The following MAGED1 variants were observed in gnomAD, a reference collection of about 807,000 sequenced individuals.
MAGED1 encodes melanoma-associated antigen D1.
In MAGED1, 3 loss-of-function variants were observed where a neutral mutation model predicts 54.1. That is an observed-to-expected ratio of 0.06 (90% CI 0.03 to 0.14). The LOEUF is 0.14. Among genes scored for constraint, MAGED1 ranks in the 10% least tolerant of loss-of-function variants. The pLI, the probability that MAGED1 is intolerant of heterozygous loss-of-function variation, is 1.00. For missense variants in MAGED1, 485 were observed against 623.4 expected (o/e 0.78, Z 2.36); for synonymous variants, 217 against 227.3 (o/e 0.95, Z 0.41).
intron 1 of MAGED1, among the ~76,000 whole-genome samples, chrX:51,860,267 A>G (rs1453552315): frequency 8.9e-6 from 1 of 111,826 alleles, no homozygotes; most frequent in African/African-American, 3.3e-5. Flanking sequence ...TCCGTCTCAA[A>G]AAGAAAAGAA....
chrX:51,884,954 A>C (rs1378575007), intron 1 of MAGED1, among the ~76,000 whole-genome samples: 2 of 112,340 alleles, frequency 1.8e-5, no homozygotes, highest in Non-Finnish European at 3.8e-5. Context: ...ACTAATAGAG[A>C]GTAACTTCCT....
chrX:51,890,847 A>G (rs1928412239), upstream of MAGED1, among the ~76,000 whole-genome samples: 1 of 110,339 alleles, frequency 9.1e-6, no homozygotes, highest in African/African-American at 3.3e-5. Flanking sequence ...AAAAAAAAAA[A>G]AAGGAAAAGT....
intron 1 of MAGED1, among the ~76,000 whole-genome samples, chrX:51,875,462 A>G (rs1013435087): frequency 1.8e-5 from 2 of 110,912 alleles, no homozygotes; most frequent in East Asian, 2.9e-4. Flanking sequence ...TTTTTTCCTC[A>G]TCTCTCAGGG....
Position 51,843,272 on chromosome X carries a change from T to C in MAGED1, c.-37+40155T>C, listed in dbSNP as rs558187119. Among the ~76,000 whole-genome samples the C allele has an allele frequency of 5.1e-4, 57 of 111,915 alleles. 1 individual carries two copies. The South Asian group carries it at 0.019, about 38-fold the overall frequency. ...TTCTGAACCCCAGAACTTGTCAGTA[T>C]GTTAATTTACATGTTACAAGGGACT... On this transcript the variant is annotated intron_variant, in intron 1 of 12. Transcript: ENST00000375772.
At chrX:51,830,669 G>A (rs886930144) in intron 1 of MAGED1, among the ~76,000 whole-genome samples, 1 of 110,711 alleles carries the variant, frequency 9.0e-6, no homozygotes, top group Non-Finnish European at 1.9e-5. Context: ...AGCCTAGGGA[G>A]AGGGAGTGGT....
chrX:51,858,004 G>T (rs781982987), intron 1 of MAGED1: 1 of 112,435 alleles, frequency 8.9e-6, no homozygotes, highest in Admixed American at 9.4e-5. Context: ...TGTAATGTGT[G>T]TGGGAAAGTC....
At chrX:51,875,009 C>G (rs1391861756) in intron 1 of MAGED1, among the ~76,000 whole-genome samples, 1 of 110,985 alleles carries the variant, frequency 9.0e-6, no homozygotes, top group East Asian at 2.8e-4. Context: ...ATTTGTTAGG[C>G]AGGACCACAG....
chrX:51,854,174 C>A (rs1037280643), intron 1 of MAGED1, among the ~76,000 whole-genome samples: 6 of 112,206 alleles, frequency 5.3e-5, no homozygotes, highest in Non-Finnish European at 9.4e-5. Context: ...AGGTCCTTGT[C>A]CTGTTTCTAA....
chrX:51,897,822 G>A lies in MAGED1; in HGVS notation c.1594G>A (p.Asp532Asn). The A allele has an allele frequency of 8.3e-7, 1 of 1,206,841 alleles. No individual in the cohort carries two copies. Among genetic ancestry groups the A allele is most frequent in the Non-Finnish European group, 1.1e-6 (1 of 892,529 alleles). ...KKFGIQLKEI[D>N]KEEHLYILIS... is the part of the protein sequence containing the mutation. The stretch of plus-strand genomic sequence containing the variant: ...ATTTGGGATTCAACTGAAAGAAATT[G>A]ACAAAGAAGAACACCTGTATATTCT... Residue 532 changes from aspartate to asparagine, a missense_variant, in exon 7 of 13, where the codon GAC (aspartate) becomes AAC (asparagine). Asp to Asn is a conservative substitution (Grantham distance 23). This residue lies in a region of MAGED1 where 186 missense variants were observed against 330.3 expected (regional missense o/e 0.56). Coordinates refer to ENST00000326587, the MANE Select transcript of MAGED1 (RefSeq NM_006986.4).
intron 1 of MAGED1, among the ~76,000 whole-genome samples, chrX:51,825,462 C>T (rs1242156516): frequency 1.8e-5 from 2 of 112,037 alleles, no homozygotes; most frequent in Non-Finnish European, 3.8e-5. Flanking sequence ...AGGTTGACTT[C>T]GTAGAGGAGA....
intron 1 of MAGED1, among the ~76,000 whole-genome samples, chrX:51,876,999 G>T: frequency 9.0e-6 from 1 of 110,668 alleles, no homozygotes; most frequent in Non-Finnish European, 1.9e-5. Flanking sequence ...ATATTTTTTA[G>T]GCTCTAAATA....
In MAGED1 at chrX:51,898,435, T is replaced by A. The variant is rs1453059383; in HGVS notation, c.1781+108T>A. 7 of 1,021,197 alleles carry A rather than the reference T, an allele frequency of 6.9e-6. No homozygotes were observed. The African/African-American group carries it at 1.3e-4, about 19-fold the overall frequency. 84.2% of individuals were successfully genotyped at this position (1,021,197 alleles called of 1,213,427 possible). Reference sequence around the variant, plus strand: ...GGGTCTGGAGGGTTTGGTTTGGGGATGTTCAGAGCCCAAAGATGTGACCTG... The same window carrying A: ...GGGTCTGGAGGGTTTGGTTTGGGGAAGTTCAGAGCCCAAAGATGTGACCTG... On this transcript the variant is annotated intron_variant, in intron 9 of 12. Transcript: ENST00000326587.
chrX:51,882,609 CAA>C (rs35286327), intron 1 of MAGED1, among the ~76,000 whole-genome samples: 8 of 44,337 alleles, frequency 1.8e-4, no homozygotes, highest in Non-Finnish European at 2.2e-4. Flanking sequence ...AGGGCACAGA[CAA>C]AAAAAAAAAA....
At chrX:51,901,317 ATGCAGTATT>A (rs1412518563) in intron 11 of MAGED1, among the ~76,000 whole-genome samples, 4 of 111,998 alleles carry the variant, frequency 3.6e-5, no homozygotes, top group Non-Finnish European at 7.5e-5. Flanking sequence ...AAGTGAGGTC[ATGCAGTATT>A]TGTCTTTCTG....
In MAGED1 at chrX:51,900,209, C is replaced by G; in HGVS notation, c.1872C>G (p.Asn624Lys). Residue 624 changes from asparagine (N) to lysine (K), a missense_variant, in exon 11 of 13, where the codon AAC (asparagine) becomes AAG (lysine). This residue lies in a region of MAGED1 where 186 missense variants were observed against 330.3 expected (regional missense o/e 0.56). Coordinates refer to ENST00000326587, the MANE Select transcript of MAGED1 (RefSeq NM_006986.4). Reference protein sequence around the residue: ...QKYLDYRRVPNSNPPEYEFLW... With the variant: ...QKYLDYRRVPKSNPPEYEFLW... ...ACCTGGACTACAGACGAGTGCCCAA[C>G]AGCAACCCCCCGGAGTATGAGTTCC... 3.3e-6 allele frequency: 4 copies of G among 1,207,407 alleles called. No homozygotes were observed. The highest frequency in any genetic ancestry group is 2.2e-6 in the Non-Finnish European group (2 of 893,264).
intron 1 of MAGED1, among the ~76,000 whole-genome samples, chrX:51,876,155 T>C (rs185378602): frequency 1.8e-5 from 2 of 111,349 alleles, no homozygotes; most frequent in Non-Finnish European, 1.9e-5. Context: ...TTGGCCAAGC[T>C]TCAGATCTTA....
Position 51,881,606 on chromosome X carries a change from G to A in MAGED1, c.-36-12663G>A, listed in dbSNP as rs1226839571. Among the ~76,000 whole-genome samples, 3 of 108,585 alleles carry A rather than the reference G, an allele frequency of 2.8e-5. No individual in the cohort carries two copies. The Admixed American group carries it at 2.9e-4, about 11-fold the overall frequency. The allele number at this position is 108,585 out of a possible 115,157, so 94.3% of individuals were successfully genotyped here. On this transcript the variant is annotated intron_variant, in intron 1 of 12. Transcript: ENST00000375772. ...AATTTTTTGTATTTTCAGTAGAGAC[G>A]GGGTTTCACCATGTTGGCCAGGCTG... is the stretch of plus-strand genomic sequence containing the variant.
intron 1 of MAGED1, among the ~76,000 whole-genome samples, chrX:51,832,240 G>C (rs1329775050): frequency 9.0e-6 from 1 of 111,103 alleles, no homozygotes; most frequent in African/African-American, 3.3e-5. Flanking sequence ...ATGTTGCCCA[G>C]GCTGGTCTCG....
At position 51,895,479 on chromosome X, in the gene MAGED1, A is replaced by C. The variant is rs1265046448; in HGVS notation, c.472A>C (p.Asn158His). 1 of 1,207,942 alleles carries C rather than the reference A, an allele frequency of 8.3e-7. No individual in the cohort carries two copies. The highest frequency in any genetic ancestry group is 1.7e-5 in the African/African-American group (1 of 57,176). Residue 158 changes from asparagine (N) to histidine (H), a missense_variant, in exon 3 of 13, where the codon AAT becomes CAT. Physicochemically the swap from Asn to His is moderately conservative, Grantham distance 68. Coordinates refer to ENST00000326587, the MANE Select transcript of MAGED1 (RefSeq NM_006986.4). ...GAATGCCACTACTAAAGTGGGCCCAAATGCCACCTACAATTTCTCTCAGTC... is the reference window on the plus strand; with the variant it reads ...GAATGCCACTACTAAAGTGGGCCCACATGCCACCTACAATTTCTCTCAGTC... ...AQNATTKVGP[N>H]ATYNFSQSLN... is the part of the protein sequence containing the mutation.
Sources: allele counts gnomAD v4.1 joint callset (sites outside exome capture counted in the v4.1 genomes callset), GRCh38; gene constraint gnomAD v4.1.1; regional missense constraint gnomAD v4.1.1; transcripts MANE v1.5; gene names NCBI Gene and HGNC (gene_info 2026-07-23, HGNC 2026-07-21).